The following AGBL1 variants were observed in gnomAD, a reference collection of about 807,000 sequenced individuals.
The protein encoded by AGBL1 is cytosolic carboxypeptidase 4.
Under a neutral mutation model 118.9 loss-of-function variants are expected in AGBL1, and 130 were observed. That is an observed-to-expected ratio of 1.09 (90% CI 0.95 to 1.26). AGBL1 has a LOEUF of 1.26. AGBL1 is among the 50% of genes most tolerant of loss of function. The pLI, the probability that AGBL1 is intolerant of heterozygous loss-of-function variation, is 0.00. For synonymous variants in AGBL1, 555 were observed against 478.9 expected (o/e 1.16, Z -2.08); for missense variants, 1,584 against 1,298.1 (o/e 1.22, Z -3.38).
chr15:86,320,170 A>G (rs1168508255), intron 17 of AGBL1, among the ~76,000 whole-genome samples: 1 of 152,152 alleles, frequency 6.6e-6, no homozygotes, highest in African/African-American at 2.4e-5. Context: ...TTTTTCATTG[A>G]GATTTTATTG....
chr15:86,902,433 CT>C (rs1316416705), intron 22 of AGBL1, among the ~76,000 whole-genome samples: 1 of 151,996 alleles, frequency 6.6e-6, no homozygotes, highest in African/African-American at 2.4e-5. Context: ...TTTAATTCAG[CT>C]GTCAAACATC....
intron 18 of AGBL1, among the ~76,000 whole-genome samples, chr15:86,415,918 C>A (rs927764718): frequency 7.9e-5 from 12 of 152,130 alleles, no homozygotes; most frequent in African/African-American, 2.9e-4. Flanking sequence ...AGAATATATC[C>A]TTCATTCCTA....
chr15:86,724,222 T>C (rs867878228), intron 22 of AGBL1, among the ~76,000 whole-genome samples: 89 of 105,484 alleles, frequency 8.4e-4, no homozygotes, highest in African/African-American at 3.2e-3. Context: ...GATGACAGAG[T>C]GAGACTCCAT....
intron 21 of AGBL1, among the ~76,000 whole-genome samples, chr15:86,605,617 A>G (rs530960165): frequency 6.6e-6 from 1 of 152,268 alleles, no homozygotes; most frequent in South Asian, 2.1e-4. Context: ...CAACACATGG[A>G]AGACAGAAAT....
chr15:86,441,639 C>T (rs569915504), intron 18 of AGBL1, among the ~76,000 whole-genome samples: 2 of 152,212 alleles, frequency 1.3e-5, no homozygotes, highest in African/African-American at 4.8e-5. Flanking sequence ...AGTGTGTGTA[C>T]TTGGACAGGG....
intron 19 of AGBL1, among the ~76,000 whole-genome samples, chr15:86,535,605 C>T (rs2083414664): frequency 6.6e-6 from 1 of 152,188 alleles, no homozygotes; most frequent in Non-Finnish European, 1.5e-5. Context: ...GTTTATAACT[C>T]ACACAAACTG....
chr15:86,873,594 A>G (rs80341997), intron 22 of AGBL1, among the ~76,000 whole-genome samples: 1,761 of 152,228 alleles, frequency 0.012, 15 homozygotes, highest in African/African-American at 0.019. Context: ...TGCCCGTATA[A>G]CAGAGGCCCT....
intron 17 of AGBL1, among the ~76,000 whole-genome samples, chr15:86,355,453 TAAA>T (rs2080698460): frequency 6.6e-6 from 1 of 152,118 alleles, no homozygotes; most frequent in African/African-American, 2.4e-5. Flanking sequence ...CATGATAAAT[TAAA>T]AAAGAGATTC....
At chr15:86,244,511 C>T (rs1238993894) in intron 6 of AGBL1, among the ~76,000 whole-genome samples, 5 of 147,314 alleles carry the variant, frequency 3.4e-5, no homozygotes, top group East Asian at 1.9e-4. Flanking sequence ...GAAAGATTGA[C>T]GGGTGTAGGG....
intron 17 of AGBL1, among the ~76,000 whole-genome samples, chr15:86,378,141 C>A (rs1227994378): frequency 6.6e-6 from 1 of 152,158 alleles, no homozygotes; most frequent in Non-Finnish European, 1.5e-5. Context: ...ATATATAACA[C>A]TCTGCATAAT....
chr15:86,227,250 G>A (rs150265827), intron 6 of AGBL1, among the ~76,000 whole-genome samples: 1 of 152,314 alleles, frequency 6.6e-6, no homozygotes, highest in African/African-American at 2.4e-5. Context: ...CATATAAAAC[G>A]GGTTTTAGTG....
chr15:86,444,926 A>C (rs1425003390), intron 18 of AGBL1, among the ~76,000 whole-genome samples: 1 of 152,212 alleles, frequency 6.6e-6, no homozygotes, highest in Non-Finnish European at 1.5e-5. Flanking sequence ...CTCCAAAGAC[A>C]ATTTTAACAA....
At chr15:86,798,060 G>C (rs1267834408) in intron 22 of AGBL1, among the ~76,000 whole-genome samples, 3 of 152,138 alleles carry the variant, frequency 2.0e-5, no homozygotes, top group Non-Finnish European at 4.4e-5. Flanking sequence ...CGACCACTTG[G>C]TACAGATGTT....
intron 22 of AGBL1, among the ~76,000 whole-genome samples, chr15:86,740,023 A>G (rs1161489889): frequency 2.6e-5 from 4 of 152,218 alleles, no homozygotes; most frequent in Admixed American, 6.5e-5. Context: ...CTGTTCCAGG[A>G]GTTCTAAAGC....
Position 86,667,346 on chromosome 15 carries a change from A to G in AGBL1, c.2995-6927A>G, listed in dbSNP as rs527613137. 4.9e-4 allele frequency among the ~76,000 whole-genome samples: 75 copies of G among 152,094 alleles called. No homozygotes were observed. The Middle Eastern group carries it at 0.014, about 28-fold the overall frequency. On this transcript the variant is annotated intron_variant, in intron 21 of 22. Coordinates refer to ENST00000614907, the MANE Select transcript of AGBL1 (RefSeq NM_001386094.1). ...ATAATCAGTTTTTGGTATTAGGATTATGTTAATATTATAAAATAAATTATG... is the reference window on the plus strand; with the variant it reads ...ATAATCAGTTTTTGGTATTAGGATTGTGTTAATATTATAAAATAAATTATG...
downstream of AGBL1, among the ~76,000 whole-genome samples, chr15:87,030,512 C>G (rs780538115): frequency 3.3e-5 from 5 of 151,888 alleles, no homozygotes; most frequent in Non-Finnish European, 7.4e-5. Context: ...CTAACAAAAT[C>G]ATTGGTGTTT....
At chr15:86,651,975 T>C (rs2085378364) in intron 21 of AGBL1, among the ~76,000 whole-genome samples, 1 of 152,134 alleles carries the variant, frequency 6.6e-6, no homozygotes, top group African/African-American at 2.4e-5. Context: ...GGGGAGTTTT[T>C]GCTTGTTTTT....
At chr15:86,811,123 T>C (rs563529380) in intron 22 of AGBL1, among the ~76,000 whole-genome samples, 1 of 152,340 alleles carries the variant, frequency 6.6e-6, no homozygotes, top group South Asian at 2.1e-4. Context: ...TCAGTGTATC[T>C]AGAGTGTGAG....
At chr15:86,200,554 C>G (rs76031721) in intron 5 of AGBL1, among the ~76,000 whole-genome samples, 5 of 107,258 alleles carry the variant, frequency 4.7e-5, no homozygotes, top group African/African-American at 8.0e-5. Context: ...ACCCCTACCC[C>G]CCCCCCCCTT....
Sources: allele counts gnomAD v4.1 joint callset (sites outside exome capture counted in the v4.1 genomes callset), GRCh38; gene constraint gnomAD v4.1.1; transcripts MANE v1.5; gene names NCBI Gene and HGNC (gene_info 2026-07-23, HGNC 2026-07-21).